The following MSI2 variants were observed in gnomAD, a reference collection of about 807,000 sequenced individuals.
MSI2 encodes RNA-binding protein Musashi homolog 2.
Under a neutral mutation model 45.6 loss-of-function variants are expected in MSI2, and 17 were observed. The observed-to-expected ratio is 0.37, with a 90% confidence interval of 0.26 to 0.56. The LOEUF is 0.56. Among genes scored for constraint, MSI2 ranks in the 20% least tolerant of loss-of-function variants. The pLI is 0.77. For missense variants in MSI2, 293 were observed against 444.2 expected, an observed-to-expected ratio of 0.66 and a Z score of 3.06; for synonymous variants, 156 against 158.2, an observed-to-expected ratio of 0.99 and a Z score of 0.11.
At chr17:57,332,010 A>C (rs1297234716) in intron 5 of MSI2, among the ~76,000 whole-genome samples, 2 of 152,160 alleles carry the variant, frequency 1.3e-5, no homozygotes, top group African/African-American at 4.8e-5. Context: ...TGGTATGGAA[A>C]TTTAATAATA....
At chr17:57,588,454 G>C (rs1904519211) in intron 7 of MSI2, among the ~76,000 whole-genome samples, 1 of 152,194 alleles carries the variant, frequency 6.6e-6, no homozygotes, top group Non-Finnish European at 1.5e-5. Flanking sequence ...TCCTACTTCA[G>C]GTACATCTGC....
At chr17:57,674,662 T>C (rs1447206309) in intron 11 of MSI2, among the ~76,000 whole-genome samples, 1 of 152,118 alleles carries the variant, frequency 6.6e-6, no homozygotes, top group African/African-American at 2.4e-5. Context: ...GATAATTTGG[T>C]GGGCAGTGAA....
intron 10 of MSI2, among the ~76,000 whole-genome samples, chr17:57,641,779 G>A (rs1201082541): frequency 6.6e-6 from 1 of 152,212 alleles, no homozygotes; most frequent in African/African-American, 2.4e-5. Flanking sequence ...CTCAGTCTGG[G>A]TCTCAGAAAG....
chr17:57,511,259 C>G (rs960927813), intron 6 of MSI2, among the ~76,000 whole-genome samples: 1 of 152,168 alleles, frequency 6.6e-6, no homozygotes, highest in African/African-American at 2.4e-5. Context: ...TTACCATGGT[C>G]ATGCAGACGT....
intron 6 of MSI2, among the ~76,000 whole-genome samples, chr17:57,441,390 C>CT (rs769637594): frequency 3.5e-4 from 53 of 152,326 alleles, no homozygotes; most frequent in Non-Finnish European, 6.6e-4. Context: ...ACTGCCTGCT[C>CT]TGTCACCTCA....
At chr17:57,284,932 T>G (rs1203242779) in intron 5 of MSI2, among the ~76,000 whole-genome samples, 1 of 151,962 alleles carries the variant, frequency 6.6e-6, no homozygotes, top group Non-Finnish European at 1.5e-5. Context: ...AAGACAACAT[T>G]GGTAACAATT....
At chr17:57,648,747 C>A (rs551894387) in intron 10 of MSI2, among the ~76,000 whole-genome samples, 13 of 152,294 alleles carry the variant, frequency 8.5e-5, no homozygotes, top group African/African-American at 3.1e-4. Flanking sequence ...TGCCAGACCA[C>A]CTGCCTGGTT....
At chr17:57,405,061 G>A (rs147268917) in intron 6 of MSI2, among the ~76,000 whole-genome samples, 1 of 152,146 alleles carries the variant, frequency 6.6e-6, no homozygotes, top group African/African-American at 2.4e-5. Context: ...GCTGTTCCGG[G>A]GTTGTCTGTC....
At chr17:57,309,121 A>G (rs1567748995) in intron 5 of MSI2, among the ~76,000 whole-genome samples, 1 of 152,230 alleles carries the variant, frequency 6.6e-6, no homozygotes, top group African/African-American at 2.4e-5. Context: ...GACTGGAGAA[A>G]GCCTTTGGAA....
At chr17:57,595,672 C>T (rs1465250585) in intron 7 of MSI2, among the ~76,000 whole-genome samples, 1 of 151,296 alleles carries the variant, frequency 6.6e-6, no homozygotes, top group Non-Finnish European at 1.5e-5. Flanking sequence ...TCCCAGAGGC[C>T]TGAACTCTTA....
intron 6 of MSI2, among the ~76,000 whole-genome samples, chr17:57,442,432 T>A (rs2084817363): frequency 6.6e-6 from 1 of 152,206 alleles, no homozygotes; most frequent in Non-Finnish European, 1.5e-5. Context: ...GCTGTAAGAT[T>A]CAGAACTTGG....
intron 8 of MSI2, among the ~76,000 whole-genome samples, chr17:57,604,167 G>A (rs1021147070): frequency 6.6e-6 from 1 of 152,120 alleles, no homozygotes; most frequent in Non-Finnish European, 1.5e-5. Flanking sequence ...TCTGTGTTTC[G>A]GCTCTGTGGT....
chr17:57,622,522 A>G (rs752924201), intron 9 of MSI2, among the ~76,000 whole-genome samples: 16 of 152,198 alleles, frequency 1.1e-4, no homozygotes, highest in Non-Finnish European at 2.4e-4. Context: ...TAGCAGGCCC[A>G]GAAACGAAGA....
intron 6 of MSI2, among the ~76,000 whole-genome samples, chr17:57,427,181 G>A (rs1175623578): frequency 6.6e-6 from 1 of 152,006 alleles, no homozygotes; most frequent in Non-Finnish European, 1.5e-5. Flanking sequence ...TGGGTCAGCT[G>A]AGGTCTGGTG....
At chr17:57,633,842 C>T (rs1909621003) in intron 10 of MSI2, among the ~76,000 whole-genome samples, 2 of 152,326 alleles carry the variant, frequency 1.3e-5, no homozygotes, top group Admixed American at 6.5e-5. Flanking sequence ...ATAGTGGGCA[C>T]TGATGTTCTT....
intron 10 of MSI2, chr17:57,633,266 G>A (rs111750837): frequency 1.8e-5 from 15 of 812,952 alleles, no homozygotes; most frequent in Admixed American, 6.1e-5. Context: ...AACCAGCACC[G>A]ATGACAGCCT....
At chr17:57,565,631 T>C (rs2087712214) in intron 7 of MSI2, among the ~76,000 whole-genome samples, 1 of 151,696 alleles carries the variant, frequency 6.6e-6, no homozygotes, top group Non-Finnish European at 1.5e-5. Context: ...GGGCACTCTC[T>C]GAAGACAAAG....
At chr17:57,524,642 G>A (rs2086660346) in intron 6 of MSI2, among the ~76,000 whole-genome samples, 2 of 152,232 alleles carry the variant, frequency 1.3e-5, no homozygotes, top group Non-Finnish European at 2.9e-5. Flanking sequence ...TGCAGGGCAA[G>A]TTGGTTGCCA....
chr17:57,283,151 G>A (rs1426882401), intron 5 of MSI2, among the ~76,000 whole-genome samples: 1 of 152,036 alleles, frequency 6.6e-6, no homozygotes, highest in Non-Finnish European at 1.5e-5. Context: ...AGAGGAGGGG[G>A]CTTCTGTGCC....
Sources: allele counts gnomAD v4.1 joint callset (sites outside exome capture counted in the v4.1 genomes callset), GRCh38; gene constraint gnomAD v4.1.1; transcripts MANE v1.5; gene names NCBI Gene and HGNC (gene_info 2026-07-23, HGNC 2026-07-21).